Variants in CDK11A observed in about 807,000 individuals in gnomAD.
CDK11A encodes the protein cyclin dependent kinase 11A.
Under a neutral mutation model 83.6 loss-of-function variants are expected in CDK11A, and 55 were observed. The ratio of observed to expected loss-of-function variants is 0.66; its 90% CI spans 0.53 to 0.82. The LOEUF is 0.82. CDK11A is among the 40% of genes least tolerant of loss of function. The probability of loss-of-function intolerance (pLI) is 0.00; values close to 1 mark genes in which losing one functional copy is unlikely to be tolerated. For synonymous variants in CDK11A, 247 were observed against 302.7 expected (o/e 0.82, Z 1.91); for missense variants, 564 against 810.1 (o/e 0.70, Z 3.69).
intron 10 of CDK11A, 66 bp downstream of exon 10, chr1:1,708,114 T>A (rs1644386200): frequency 6.3e-7 from 1 of 1,585,218 alleles, no homozygotes; most frequent in Non-Finnish European, 8.6e-7. Flanking sequence ...ACCGGCTGTC[T>A]TAGGAGAGGG....
intron 4 of CDK11A, among the ~76,000 whole-genome samples, chr1:1,717,584 A>G (rs1321936666): frequency 6.6e-6 from 1 of 150,826 alleles, no homozygotes; most frequent in Non-Finnish European, 1.5e-5. Context: ...AGCCATTCTG[A>G]ATGGTCTGTG....
At chr1:1,705,316 A>G (rs1570377318) in intron 12 of CDK11A, among the ~76,000 whole-genome samples, 1 of 100,750 alleles carries the variant, frequency 9.9e-6, no homozygotes, top group Non-Finnish European at 1.7e-5. Flanking sequence ...AGCCGGCCTC[A>G]CCTGGGATCC....
intron 9 of CDK11A, among the ~76,000 whole-genome samples, chr1:1,708,469 C>T (rs1240074614): frequency 1.1e-4 from 16 of 141,550 alleles, no homozygotes; most frequent in Non-Finnish European, 1.9e-4. Flanking sequence ...GGTGAAACCC[C>T]GTCTCGACTA....
intron 5 of CDK11A, among the ~76,000 whole-genome samples, chr1:1,715,962 T>C (rs1644622849): frequency 6.6e-6 from 1 of 150,944 alleles, no homozygotes; most frequent in Non-Finnish European, 1.5e-5. Flanking sequence ...AGTCTCACTC[T>C]GTCAACCAGG....
intron 4 of CDK11A, 23 bp from the exon 5 acceptor site, chr1:1,716,501 G>A: frequency 2.5e-6 from 4 of 1,593,174 alleles, no homozygotes; most frequent in East Asian, 2.2e-5. Context: ...AAAGTGTCAT[G>A]CAAAGAAACC....
At position 1,704,319 on chromosome 1, in the gene CDK11A, C is replaced by G. The variant is rs758440722; in HGVS notation, c.1590G>C (p.Gln530His). 6.2e-7 allele frequency: 1 copy of G among 1,607,540 alleles called. No homozygotes were observed. The highest frequency in any genetic ancestry group is 8.5e-7 in the Non-Finnish European group (1 of 1,176,198). The change falls in exon 15 of 20, where the codon CAG becomes CAC. Residue 530 changes from glutamine to histidine, a missense_variant. By Grantham distance (24) the Gln-to-His change is conservative (BLOSUM62 0). Around this residue, in one of 5 missense-constraint regions of CDK11A, gnomAD observed 361 missense variants for 402.7 expected, o/e 0.90. Coordinates refer to ENST00000404249, the MANE Select transcript of CDK11A (RefSeq NM_024011.4). ...GCAGGTGTTTCACCCCCCGCAGCAG[C>G]TGGATCATCAGGGTCTTCACCTCCC... ...LPGEVKTLMI[Q>H]LLRGVKHLHD...
At chr1:1,715,708 G>A (rs1644609866) in intron 5 of CDK11A, among the ~76,000 whole-genome samples, 1 of 151,292 alleles carries the variant, frequency 6.6e-6, no homozygotes, top group Non-Finnish European at 1.5e-5. Flanking sequence ...TCTTCCTGGA[G>A]CAGCTTGCAA....
chr1:1,706,318 C>G (rs1570381109), intron 11 of CDK11A, among the ~76,000 whole-genome samples: 1 of 151,238 alleles, frequency 6.6e-6, no homozygotes, highest in Non-Finnish European at 1.5e-5. Flanking sequence ...GATCCGCCCA[C>G]CGCCTCGGCC....
chr1:1,715,683 C>T (rs993781880), intron 5 of CDK11A, among the ~76,000 whole-genome samples: 3 of 151,242 alleles, frequency 2.0e-5, no homozygotes, highest in Middle Eastern at 3.2e-3. Flanking sequence ...CACGCCCTTC[C>T]GCTTCAGACT....
chr1:1,721,567 G>A lies in CDK11A; in HGVS notation c.227+29C>T, dbSNP rs752555902. On this transcript the variant is annotated intron_variant, in intron 3 of 19. Coordinates refer to ENST00000404249, the MANE Select transcript of CDK11A (RefSeq NM_024011.4). ...GGCCAGGCCAGGGCTGTGTACAGTT[G>A]GGTCTTGCACATCTGTACATCCGCT... 1.6e-5 allele frequency: 26 copies of A among 1,597,744 alleles called. 1 individual carries two copies. The South Asian group carries it at 2.8e-4, about 17-fold the overall frequency.
At chr1:1,718,571 CTAGAG>C (rs1337711512) in intron 4 of CDK11A, among the ~76,000 whole-genome samples, 3 of 150,466 alleles carry the variant, frequency 2.0e-5, no homozygotes, top group African/African-American at 7.3e-5. Flanking sequence ...ACGCTTTCAG[CTAGAG>C]TATTCTCTCT....
chr1:1,704,713 C>T, intron 13 of CDK11A, 58 bp from the exon 14 acceptor site: 1 of 1,598,294 alleles, frequency 6.3e-7, no homozygotes. Context: ...CACCCCTGCA[C>T]CCGGGCGCAG....
rs1254939950 is a variant in CDK11A at position 1,702,438 on chromosome 1, C to T, written c.*469G>A. Reference sequence around the variant, plus strand: ...AAACTCAACAACCTTGTATAAAAACCTGTCGAGTCTGCTGGCACAGCTGGG... The same window carrying T: ...AAACTCAACAACCTTGTATAAAAACTTGTCGAGTCTGCTGGCACAGCTGGG... On this transcript the variant is annotated 3_prime_UTR_variant, in exon 20 of 20. Coordinates refer to ENST00000404249, the MANE Select transcript of CDK11A (RefSeq NM_024011.4). Among the ~76,000 whole-genome samples the T allele has an allele frequency of 1.8e-5, 2 of 110,714 alleles. No homozygotes were observed. The highest frequency in any genetic ancestry group is 1.9e-4 in the Admixed American group (2 of 10,346). The allele number at this position is 110,714 out of a possible 152,430, so 72.6% of individuals were successfully genotyped here.
At chr1:1,705,067 G>A (rs754544718) in intron 12 of CDK11A, 42 bp from the exon 13 acceptor site, 25 of 1,578,138 alleles carry the variant, frequency 1.6e-5, no homozygotes, top group Middle Eastern at 3.5e-4. Context: ...CATTCTCAAA[G>A]TCACGGTACC....
intron 13 of CDK11A, 25 bp downstream of exon 13, chr1:1,704,879 C>G (rs1286329549): frequency 1.2e-6 from 2 of 1,606,676 alleles, no homozygotes; most frequent in African/African-American, 2.7e-5. Flanking sequence ...CCACCCGGGG[C>G]CAGGCGTGGT....
chr1:1,720,949 A>C (rs1358089516), intron 3 of CDK11A, among the ~76,000 whole-genome samples: 1 of 150,708 alleles, frequency 6.6e-6, no homozygotes, highest in African/African-American at 2.4e-5. Context: ...TGTCACAGTA[A>C]TCCTAGGTCG....
chr1:1,714,983 T>G (rs1487611361), intron 5 of CDK11A, among the ~76,000 whole-genome samples: 3 of 150,258 alleles, frequency 2.0e-5, no homozygotes, highest in Non-Finnish European at 4.5e-5. Context: ...CACTGCCCAC[T>G]GCTCTAAACG....
Position 1,704,124 on chromosome 1 carries a change from C to T in CDK11A, c.1709G>A (p.Arg570Gln), listed in dbSNP as rs372661453. Reference protein sequence around the residue: ...ILKVGDFGLAREYGSPLKAYT... With the variant: ...ILKVGDFGLAQEYGSPLKAYT... ...GGCCTTCAGAGGGGATCCGTACTCC[C>T]GCGCCAGCCCAAAATCACCCACCTG... The change falls in exon 16 of 20, where the codon CGG becomes CAG. Residue 570 changes from arginine to glutamine, a missense_variant. By Grantham distance (43) the Arg-to-Gln change is conservative. Transcript: ENST00000404249. The T allele has an allele frequency of 1.4e-5, 23 of 1,603,914 alleles. No homozygotes were observed. Among genetic ancestry groups the T allele is most frequent in the Admixed American group, 1.7e-5 (1 of 59,476 alleles).
rs1174226171 is a variant in CDK11A, at chr1:1,721,231, C to G, written c.227+365G>C. Among the ~76,000 whole-genome samples, 4 of 150,378 alleles carry G rather than the reference C, an allele frequency of 2.7e-5. No individual in the cohort carries two copies. In the East Asian group the frequency reaches 7.8e-4, roughly 29 times the overall value. On this transcript the variant is annotated intron_variant, in intron 3 of 19. Transcript: ENST00000404249. ...AAAGAGTACACTTCAGTATTTACAA[C>G]AGCACACTGAGCACACTGTCACAGT...
Sources: gnomAD v4.1 joint callset for allele counts (sites outside exome capture counted in the v4.1 genomes callset) on GRCh38, gnomAD v4.1.1 for gene constraint, gnomAD v4.1.1 regional missense constraint, MANE v1.5 for transcripts, NCBI Gene and HGNC (gene_info 2026-07-23, HGNC 2026-07-21) for gene names.